Variants in PRKDC observed in about 807,000 individuals in gnomAD.
The protein encoded by PRKDC is DNA-dependent protein kinase catalytic subunit.
Under a neutral mutation model 486.9 loss-of-function variants are expected in PRKDC, and 82 were observed. The ratio of observed to expected loss-of-function variants is 0.17; its 90% confidence interval spans 0.14 to 0.20. The LOEUF is 0.20. Among genes scored for constraint, PRKDC ranks in the 10% least tolerant of loss-of-function variants. PRKDC has a pLI of 1.00. For missense variants in PRKDC, 4,504 were observed against 5,038.2 expected, an observed-to-expected ratio of 0.89 and a Z score of 3.21; for synonymous variants, 1,895 against 1,837.0, an observed-to-expected ratio of 1.03 and a Z score of -0.81.
chr8:47,807,991 T>C (rs975073937), intron 68 of PRKDC, among the ~76,000 whole-genome samples: 1 of 152,166 alleles, frequency 6.6e-6, no homozygotes, highest in African/African-American at 2.4e-5. Context: ...CCCAAAGTGC[T>C]GGGATTACAG....
In PRKDC at chr8:47,881,519, A is replaced by C; in HGVS notation, c.4964T>G (p.Ile1655Ser). The change falls in exon 38 of 86, where the codon ATT becomes AGT. Residue 1655 changes from isoleucine (I) to serine (S), a missense_variant and splice_region_variant. Ile to Ser is a moderately radical substitution (Grantham distance 142). This residue lies in a region of PRKDC where 1,969 missense variants were observed against 2,068.9 expected (regional missense o/e 0.95). Coordinates refer to ENST00000314191, the MANE Select transcript of PRKDC (RefSeq NM_006904.7). ...TGTATTAAAAGATACAGATGAATCA[A>C]TCTAAAGGAAGGAAAAGAAAAACAG... The part of the protein sequence containing the change: ...VLALLAKILQ[I>S]DSSVSFNTSH... The C allele has an allele frequency of 6.8e-7, 1 of 1,462,818 alleles. No homozygotes were observed. Among genetic ancestry groups the C allele is most frequent in the Non-Finnish European group, 9.3e-7 (1 of 1,070,670 alleles). The allele number at this position is 1,462,818 out of a possible 1,614,324, so 90.6% of individuals were successfully genotyped here.
chr8:47,819,283 G>A (rs115958284), intron 67 of PRKDC, 119 bp downstream of exon 67: 71 of 603,752 alleles, frequency 1.2e-4, no homozygotes, highest in African/African-American at 1.1e-3. Flanking sequence ...GAGGAAATTC[G>A]ATGGAGTTTC....
In PRKDC at chr8:47,955,983, A is replaced by G. The variant is rs370809813; in HGVS notation, c.325-35T>C. ...AAAAAAAAAATAACCAAAATCATCA[A>G]TAAGATATAAAAACTAAGACTCAGC... On this transcript the variant is annotated intron_variant, in intron 3 of 85. Transcript: ENST00000314191. The G allele has an allele frequency of 8.3e-6, 12 of 1,440,624 alleles. No homozygotes were observed. In the East Asian group the frequency reaches 1.4e-4, roughly 17 times the overall value. The allele number at this position is 1,440,624 out of a possible 1,614,324, so 89.2% of individuals were successfully genotyped here. A position where few individuals can be genotyped will look rare whatever the true frequency, so the allele number is the denominator to read the frequency against.
chr8:47,864,792 C>T, intron 40 of PRKDC, 29 bp from the exon 41 acceptor site: 1 of 1,511,196 alleles, frequency 6.6e-7, no homozygotes, highest in Non-Finnish European at 8.9e-7. Flanking sequence ...ATTATATGAA[C>T]ATCCCTGCTT....
intron 68 of PRKDC, among the ~76,000 whole-genome samples, chr8:47,816,251 G>A (rs1223913197): frequency 6.6e-6 from 1 of 152,032 alleles, no homozygotes; most frequent in African/African-American, 2.4e-5. Flanking sequence ...TGGACACTGT[G>A]CCCCACGTGT....
rs2090474655 is a variant in PRKDC, at chr8:47,943,200, T to C, written c.966+9A>G. 1.2e-6 allele frequency: 2 copies of C among 1,607,436 alleles called. No individual in the cohort carries two copies. Among genetic ancestry groups the C allele is most frequent in the South Asian group, 1.1e-5 (1 of 89,348 alleles). ...AAATATTGTTAAATGACAGTTGAATTTGTGGTACCTGTTTCAGAAAGGATT... is the reference window on the plus strand; with the variant it reads ...AAATATTGTTAAATGACAGTTGAATCTGTGGTACCTGTTTCAGAAAGGATT... On this transcript the variant is annotated intron_variant, in intron 10 of 85. Coordinates refer to ENST00000314191, the MANE Select transcript of PRKDC (RefSeq NM_006904.7).
chr8:47,843,128 C>T (rs2088188518), intron 54 of PRKDC, among the ~76,000 whole-genome samples: 1 of 152,174 alleles, frequency 6.6e-6, no homozygotes, highest in Admixed American at 6.5e-5. Flanking sequence ...CGGCCACAAC[C>T]ACTGCACTTC....
At chr8:47,776,417 C>A (rs1238343163) in intron 85 of PRKDC, among the ~76,000 whole-genome samples, 1 of 152,178 alleles carries the variant, frequency 6.6e-6, no homozygotes, top group African/African-American at 2.4e-5. Context: ...AACCTAAAAG[C>A]CAACCCAAAT....
At chr8:47,823,798 G>C (rs1305270552) in intron 64 of PRKDC, 60 bp downstream of exon 64, 9 of 1,589,680 alleles carry the variant, frequency 5.7e-6, no homozygotes, top group Non-Finnish European at 7.8e-6. Context: ...TAAAGTCATA[G>C]TTCAGCAGAA....
At chr8:47,803,244 G>A in intron 70 of PRKDC, 62 bp downstream of exon 70, 20 of 1,461,436 alleles carry the variant, frequency 1.4e-5, no homozygotes, top group Non-Finnish European at 1.8e-5. Context: ...AGAAGAGGAA[G>A]ATACACAAGA....
intron 54 of PRKDC, among the ~76,000 whole-genome samples, chr8:47,845,863 G>A: frequency 6.6e-6 from 1 of 152,044 alleles, no homozygotes; most frequent in East Asian, 1.9e-4. Context: ...ACCAAAATCT[G>A]GCAGGACACA....
chr8:47,894,345 T>G (rs945301433), intron 30 of PRKDC, among the ~76,000 whole-genome samples: 2 of 152,158 alleles, frequency 1.3e-5, no homozygotes, highest in African/African-American at 4.8e-5. Context: ...TTCTGTTACT[T>G]TCACTAAGAG....
At position 47,960,110 on chromosome 8, in the gene PRKDC, G is replaced by T. The variant is rs754453280; in HGVS notation, c.17C>A (p.Ala6Asp). Residue 6 changes from alanine (A) to aspartate (D), a missense_variant, in exon 1 of 86, where the codon GCC becomes GAC. This residue lies in a region of PRKDC where 145 missense variants were observed against 136.3 expected (regional missense o/e 1.06). Coordinates refer to ENST00000314191, the MANE Select transcript of PRKDC (RefSeq NM_006904.7). ...CCGCAGCAGGGAGCAACGCACACCGGCTCCGGAGCCCGCCATGCCGCCGAG... is the reference window on the plus strand; with the variant it reads ...CCGCAGCAGGGAGCAACGCACACCGTCTCCGGAGCCCGCCATGCCGCCGAG... MAGSG[A>D]GVRCSLLRLQ... 1.0e-5 allele frequency: 15 copies of T among 1,506,864 alleles called. No homozygotes were observed. The highest frequency in any genetic ancestry group is 1.3e-5 in the Non-Finnish European group (15 of 1,131,950). The allele number at this position is 1,506,864 out of a possible 1,614,324, so 93.3% of individuals were successfully genotyped here. A position where few individuals can be genotyped will look rare whatever the true frequency, so the allele number is the denominator to read the frequency against.
At position 47,927,897 on chromosome 8, in the gene PRKDC, A is replaced by G. The variant is rs761615756; in HGVS notation, c.2140-7T>C. ...GCTTCATTTTAACTGCCACCTTAAC[A>G]AGAAAGAAGACAGTAATGTATATCT... On this transcript the variant is annotated splice_polypyrimidine_tract_variant and splice_region_variant and intron_variant, in intron 19 of 85. Transcript: ENST00000314191. The G allele has an allele frequency of 5.2e-6, 8 of 1,550,836 alleles. 1 individual carries two copies. In the South Asian group the frequency reaches 6.4e-5, roughly 12 times the overall value.
intron 40 of PRKDC, among the ~76,000 whole-genome samples, chr8:47,867,808 C>G (rs556318100): frequency 6.6e-6 from 1 of 152,258 alleles, no homozygotes; most frequent in African/African-American, 2.4e-5. Flanking sequence ...GCCTTGTTCC[C>G]AATCTCAGGA....
At chr8:47,913,785 G>T in intron 24 of PRKDC, 116 bp downstream of exon 24, 1 of 1,079,956 alleles carries the variant, frequency 9.3e-7, no homozygotes, top group Non-Finnish European at 1.2e-6. Flanking sequence ...CTATATTACA[G>T]AAAATACAAA....
Position 47,785,156 on chromosome 8 carries a change from G to T in PRKDC, c.11064C>A (p.Ser3688Arg), listed in dbSNP as rs766724310. The T allele has an allele frequency of 3.7e-6, 6 of 1,613,894 alleles. No homozygotes were observed. In the South Asian group the frequency reaches 5.5e-5, roughly 15 times the overall value. The change falls in exon 77 of 86, where the codon AGC becomes AGA. Residue 3688 changes from serine (S) to arginine (R), a missense_variant. Physicochemically the swap from Ser to Arg is moderately radical, Grantham distance 110. Around this residue, in one of 6 missense-constraint regions of PRKDC, gnomAD observed 706 missense variants for 945.0 expected, o/e 0.75. Transcript: ENST00000314191. The part of the protein sequence containing the change: ...GNLKECSPWM[S>R]DFKVEFLRNE... ...TTCTCAGGAACTCCACTTTGAAGTC[G>T]CTCATCCAGGGTGAACATTCTTTCA...
chr8:47,854,334 G>A, intron 50 of PRKDC, 120 bp from the exon 51 acceptor site: 4 of 1,148,354 alleles, frequency 3.5e-6, no homozygotes, highest in African/African-American at 1.5e-5. Flanking sequence ...AGGCTGGAGT[G>A]CAGTGGCGTG....
chr8:47,773,203 A>C lies in PRKDC; in HGVS notation c.*970T>G. The C allele has an allele frequency of 4.5e-6, 1 of 220,590 alleles. No homozygotes were observed. The highest frequency in any genetic ancestry group is 9.2e-6 in the Non-Finnish European group (1 of 108,896). The allele number at this position is 220,590 out of a possible 1,614,324, so 13.7% of individuals were successfully genotyped here. A position where few individuals can be genotyped will look rare whatever the true frequency, so the allele number is the denominator to read the frequency against. On this transcript the variant is annotated 3_prime_UTR_variant, in exon 86 of 86. Coordinates refer to ENST00000314191, the MANE Select transcript of PRKDC (RefSeq NM_006904.7). ...ACAAGTGTTAGAAGGAAAAAAAAAA[A>C]CAACAAAAAGCTAAAAGCCAATCAG...
Sources: gnomAD v4.1 joint callset for allele counts (sites outside exome capture counted in the v4.1 genomes callset) on GRCh38, gnomAD v4.1.1 for gene constraint, gnomAD v4.1.1 regional missense constraint, MANE v1.5 for transcripts, NCBI Gene and HGNC (gene_info 2026-07-23, HGNC 2026-07-21) for gene names.